The following FAIM variants were observed in gnomAD, a reference collection of about 807,000 sequenced individuals.
FAIM encodes fas apoptotic inhibitory molecule 1.
FAIM carries 14 observed loss-of-function variants against 21.2 expected under a neutral mutation model. The observed-to-expected ratio is 0.66, with a 90% CI of 0.44 to 1.03. The LOEUF (loss-of-function observed/expected upper bound fraction) is 1.03. Ranked by LOEUF, FAIM falls within the 50% of genes least tolerant of loss-of-function variation. The pLI is 0.00. For synonymous variants in FAIM, 86 were observed against 80.4 expected (o/e 1.07, Z -0.37); for missense variants, 222 against 247.1 (o/e 0.90, Z 0.68).
chr3:138,611,267 T>A (rs1295959543), intron 1 of FAIM, among the ~76,000 whole-genome samples: 1 of 151,960 alleles, frequency 6.6e-6, no homozygotes, highest in Non-Finnish European at 1.5e-5. Flanking sequence ...CCTGCATTTT[T>A]TTTTCTTTTT....
intron 4 of FAIM, among the ~76,000 whole-genome samples, chr3:138,626,580 G>C (rs1024442563): frequency 2.6e-5 from 4 of 152,126 alleles, no homozygotes; most frequent in Non-Finnish European, 4.4e-5. Flanking sequence ...GGTGTATTTA[G>C]CTCATTCCCA....
chr3:138,621,513 A>T lies in FAIM; in HGVS notation c.151A>T (p.Lys51Ter). Reference sequence around the variant, plus strand: ...ATTTGAACATGGGACTACATCAGGCAAACGAGTAGTATATGTAGATGGAAA... The same window carrying T: ...ATTTGAACATGGGACTACATCAGGCTAACGAGTAGTATATGTAGATGGAAA... ...IEFEHGTTSG[K>*]RVVYVDGKEE... Residue 51 changes from lysine to a stop codon, truncating the protein, a stop_gained, in exon 3 of 6, where the codon AAA becomes TAA. Transcript: ENST00000360570. LOFTEE classifies it high-confidence loss of function. The T allele has an allele frequency of 6.2e-7, 1 of 1,613,978 alleles. No individual in the cohort carries two copies. The highest frequency in any genetic ancestry group is 8.5e-7 in the Non-Finnish European group (1 of 1,179,906).
intron 1 of FAIM, chr3:138,610,609 A>C (rs1174588337): frequency 6.0e-6 from 1 of 167,386 alleles, no homozygotes. Flanking sequence ...TTCAGACAGA[A>C]TCTCCCTCTG....
At position 138,628,393 on chromosome 3, in the gene FAIM, C is replaced by T. The variant is rs1438451392; in HGVS notation, c.407-714C>T. 2.6e-5 allele frequency among the ~76,000 whole-genome samples: 4 copies of T among 152,216 alleles called. No individual in the cohort carries two copies. The South Asian group carries it at 6.3e-4, about 24-fold the overall frequency. On this transcript the variant is annotated intron_variant, in intron 4 of 5. Transcript: ENST00000360570. ...GGGTGAGTGTGGGAGGCAGGGGAGT[C>T]ATCTGGTCAATATTGAAGGGCATTT...
At chr3:138,612,236 G>A (rs533980077) in intron 1 of FAIM, among the ~76,000 whole-genome samples, 98 of 152,030 alleles carry the variant, frequency 6.4e-4, no homozygotes, top group African/African-American at 2.3e-3. Context: ...GAGTAGCTGG[G>A]ACTACAGGCG....
intron 4 of FAIM, among the ~76,000 whole-genome samples, chr3:138,628,287 T>C (rs1191266120): frequency 6.6e-6 from 1 of 152,118 alleles, no homozygotes; most frequent in East Asian, 1.9e-4. Context: ...CTGGACTAGA[T>C]TTCTAAAGCG....
chr3:138,613,449 T>G (rs9860899), intron 1 of FAIM, among the ~76,000 whole-genome samples: 21,781 of 152,266 alleles, frequency 0.14, 2,121 homozygotes, highest in Non-Finnish European at 0.22. Flanking sequence ...TCCTTTCACT[T>G]TCTAGATAAT....
At chr3:138,625,134 C>A (rs1366835779) in intron 4 of FAIM, among the ~76,000 whole-genome samples, 1 of 151,822 alleles carries the variant, frequency 6.6e-6, no homozygotes, top group African/African-American at 2.4e-5. Flanking sequence ...CACTGCATTC[C>A]AGCATGGATG....
chr3:138,621,781 C>T (rs574160050), intron 3 of FAIM, among the ~76,000 whole-genome samples: 12 of 149,878 alleles, frequency 8.0e-5, no homozygotes, highest in Admixed American at 2.0e-4. Flanking sequence ...AAAATTACAT[C>T]TTTTTTTTTT....
At chr3:138,619,423 C>T (rs1472552114) in intron 1 of FAIM, among the ~76,000 whole-genome samples, 1 of 152,130 alleles carries the variant, frequency 6.6e-6, no homozygotes, top group African/African-American at 2.4e-5. Context: ...ACACTTGCAA[C>T]AAAGGAGAGT....
At chr3:138,628,677 G>A (rs1479333206) in intron 4 of FAIM, among the ~76,000 whole-genome samples, 1 of 151,918 alleles carries the variant, frequency 6.6e-6, no homozygotes, top group Non-Finnish European at 1.5e-5. Context: ...TAGAGATGGG[G>A]TTTCACCGTA....
intron 4 of FAIM, among the ~76,000 whole-genome samples, chr3:138,626,134 C>T (rs1014814890): frequency 2.0e-5 from 3 of 152,166 alleles, no homozygotes; most frequent in Admixed American, 6.5e-5. Context: ...ATTGTTCATG[C>T]GGCTGAGGGA....
rs1285258999 is a variant in FAIM at position 138,609,533 on chromosome 3, A to ACACTCTCTCTCTCTCTCTCT, written c.-17+597_-17+598insACTCTCTCTCTCTCTCTCTC. Among the ~76,000 whole-genome samples, 2 of 3,368 alleles carry ACACTCTCTCTCTCTCTCTCT rather than the reference A, an allele frequency of 5.9e-4. 1 individual carries two copies. The highest frequency in any genetic ancestry group is 1.2e-3 in the Non-Finnish European group (2 of 1,612). The allele number at this position is 3,368 out of a possible 152,430, so 2.2% of individuals were successfully genotyped here. On this transcript the variant is annotated intron_variant, in intron 1 of 5. Transcript: ENST00000360570. ...AGAACCTGCATCATAAAGTGCTGAA[A>ACACTCTCTCTCTCTCTCTCT]CTCTCTCTCTCTCTCTCTCTCTCTC...
chr3:138,613,311 C>A (rs935334388), intron 1 of FAIM, among the ~76,000 whole-genome samples: 2 of 152,058 alleles, frequency 1.3e-5, no homozygotes, highest in African/African-American at 4.8e-5. Context: ...TGAGCCACTG[C>A]GCCCGGCCCC....
intron 5 of FAIM, chr3:138,629,790 C>A (rs148274401): frequency 6.6e-6 from 1 of 152,184 alleles, no homozygotes; most frequent in Non-Finnish European, 1.5e-5. Flanking sequence ...AGTGCCAATG[C>A]GAGGAGAAAG....
At chr3:138,609,290 G>T (rs1242748269) in intron 1 of FAIM, 1 of 151,562 alleles carries the variant, frequency 6.6e-6, no homozygotes, top group Non-Finnish European at 1.5e-5. Flanking sequence ...GGGCGTCCCT[G>T]CCTAGCGAGG....
Position 138,633,169 on chromosome 3 carries a change from T to C in FAIM, c.*90T>C. On this transcript the variant is annotated 3_prime_UTR_variant, in exon 6 of 6. Transcript: ENST00000360570. ...AGTATGTACTTATCAGTACATTTAG[T>C]CTGCAATGTTTTAATTTTTTAAAAA... 2 of 1,111,294 alleles carry C rather than the reference T, an allele frequency of 1.8e-6. 1 individual carries two copies. Among genetic ancestry groups the C allele is most frequent in the South Asian group, 5.4e-5 (2 of 36,760 alleles). The allele number at this position is 1,111,294 out of a possible 1,614,324, so 68.8% of individuals were successfully genotyped here. A position where few individuals can be genotyped will look rare whatever the true frequency, so the allele number is the denominator to read the frequency against.
chr3:138,626,585 T>C (rs947464840), intron 4 of FAIM, among the ~76,000 whole-genome samples: 1 of 152,222 alleles, frequency 6.6e-6, no homozygotes, highest in Non-Finnish European at 1.5e-5. Context: ...ATTTAGCTCA[T>C]TCCCAACTGA....
rs776097159 is a variant in FAIM, at chr3:138,633,037, T to G, written c.564T>G (p.Thr188=). The G allele has an allele frequency of 4.0e-5, 64 of 1,613,724 alleles. No homozygotes were observed. The Middle Eastern group carries it at 2.0e-3, about 50-fold the overall frequency. ...SGKRKEGIIH[T]LIVDNREIPE... Reference sequence around the variant, plus strand: ...AGCGGAAAGAAGGGATTATTCATACTCTCATTGTGGATAATAGAGAAATCC... The same window carrying G: ...AGCGGAAAGAAGGGATTATTCATACGCTCATTGTGGATAATAGAGAAATCC... The change falls in exon 6 of 6, where the codon ACT becomes ACG. Residue 188 remains threonine (T), a synonymous_variant. Transcript: ENST00000360570.
Sources: allele counts gnomAD v4.1 joint callset (sites outside exome capture counted in the v4.1 genomes callset), GRCh38; gene constraint gnomAD v4.1.1; transcripts MANE v1.5; gene names NCBI Gene and HGNC (gene_info 2026-07-23, HGNC 2026-07-21).